RBFOX2: variants seen among roughly 807,000 people sequenced by gnomAD.
The protein encoded by RBFOX2 is RNA binding fox-1 homolog 2.
A neutral mutation model predicts 49.1 loss-of-function variants in RBFOX2; 10 were observed. The ratio of observed to expected loss-of-function variants is 0.20; its 90% CI spans 0.13 to 0.35. RBFOX2 has a LOEUF of 0.35. RBFOX2 is among the 10% of genes least tolerant of loss of function. RBFOX2 has a pLI of 1.00. For missense variants in RBFOX2, 323 were observed against 486.9 expected (o/e 0.66, Z 3.17); for synonymous variants, 183 against 187.4 (o/e 0.98, Z 0.19).
intron 1 of RBFOX2, among the ~76,000 whole-genome samples, chr22:35,984,321 T>C (rs1569518500): frequency 6.6e-6 from 1 of 152,188 alleles, no homozygotes; most frequent in South Asian, 2.1e-4. Flanking sequence ...AGTTGGCTAA[T>C]ATTGAGAACC....
chr22:35,828,446 G>C (rs1006777024), intron 1 of RBFOX2, among the ~76,000 whole-genome samples: 2 of 152,144 alleles, frequency 1.3e-5, no homozygotes, highest in South Asian at 4.1e-4. Flanking sequence ...GACAGCACAG[G>C]GGACGGTACT....
exon 12 of RBFOX2, chr22:35,743,893 T>C (rs953040622): frequency 3.5e-6 from 1 of 284,714 alleles, no homozygotes; most frequent in Non-Finnish European, 6.4e-6. Context: ...ATTGATAGAA[T>C]AAGCTAAGCA....
intron 9 of RBFOX2, among the ~76,000 whole-genome samples, chr22:35,757,110 A>T (rs765537226): frequency 3.9e-5 from 6 of 152,082 alleles, no homozygotes; most frequent in Non-Finnish European, 8.8e-5. Context: ...TTGACCAAAG[A>T]TCACCCTGTC....
chr22:35,780,077 G>A lies in RBFOX2; in HGVS notation c.399+1523C>T, dbSNP rs183057099. On this transcript the variant is annotated intron_variant, in intron 3 of 11. Transcript: ENST00000405409. Reference sequence around the variant, plus strand: ...CTTCTGCGTAACCCAAGTCCTTTATGCTGCCCTTTATTTTCTGTTGCTCTC... The same window carrying A: ...CTTCTGCGTAACCCAAGTCCTTTATACTGCCCTTTATTTTCTGTTGCTCTC... 1.8e-4 allele frequency among the ~76,000 whole-genome samples: 27 copies of A among 152,148 alleles called. No homozygotes were observed. The East Asian group carries it at 5.0e-3, about 28-fold the overall frequency.
At chr22:35,754,618 TAAGTCTGTGTATTTAGAAA>T (rs1936296507) in intron 9 of RBFOX2, among the ~76,000 whole-genome samples, 2 of 152,226 alleles carry the variant, frequency 1.3e-5, no homozygotes, top group Admixed American at 1.3e-4. Flanking sequence ...ACATCATATG[TAAGTCTGTGTATTTAGAAA>T]TATGTAATCT....
upstream of RBFOX2, chr22:35,840,629 T>TAC (rs1556025687): frequency 1.9e-6 from 2 of 1,062,872 alleles, no homozygotes; most frequent in East Asian, 1.3e-4. Context: ...TGTGCGTGTG[T>TAC]GCGTGTGTGT....
chr22:35,929,607 C>T (rs1217572383), intron 1 of RBFOX2, among the ~76,000 whole-genome samples: 2 of 152,136 alleles, frequency 1.3e-5, no homozygotes, highest in Admixed American at 6.5e-5. Context: ...CCAAAGACTA[C>T]ATATATCATA....
Position 35,759,910 on chromosome 22 carries a change from T to C in RBFOX2, c.865A>G (p.Thr289Ala). The C allele has an allele frequency of 1.2e-6, 2 of 1,613,666 alleles. No homozygotes were observed. Residue 289 changes from threonine (T) to alanine (A), a missense_variant, in exon 9 of 12, where the codon ACA (threonine) becomes GCA (alanine). Thr to Ala is a moderately conservative substitution (Grantham distance 58). Around this residue, in one of 2 missense-constraint regions of RBFOX2, gnomAD observed 200 missense variants for 370.0 expected, o/e 0.54. Transcript: ENST00000405409. This position sits in a 1 kb window ranked among gnomAD's most constrained non-coding sequence, Gnocchi z 4.6. ...TACCCTGGATAGGCGGGGATGGCTGTTGGAGGTACCGCTCGGACTGCACCA... is the reference window on the plus strand; with the variant it reads ...TACCCTGGATAGGCGGGGATGGCTGCTGGAGGTACCGCTCGGACTGCACCA...
At chr22:36,013,648 C>CACACAG (rs1260073505) in intron 1 of RBFOX2, among the ~76,000 whole-genome samples, 91 of 148,056 alleles carry the variant, frequency 6.1e-4, no homozygotes, top group African/African-American at 2.2e-3. Flanking sequence ...CACACACACA[C>CACACAG]AGAGAGAGAG....
In RBFOX2 at chr22:35,857,021, G is replaced by C. The variant is rs1421437836; in HGVS notation, c.-33-47017C>G. Among the ~76,000 whole-genome samples, 6 of 152,336 alleles carry C rather than the reference G, an allele frequency of 3.9e-5. No homozygotes were observed. The South Asian group carries it at 6.2e-4, about 16-fold the overall frequency. On this transcript the variant is annotated intron_variant, in intron 1 of 13. Coordinates refer to the RBFOX2 transcript ENST00000359369. ...CACTCCAGCATGGGTGACAGAGCGA[G>C]ACTCCGTCTCCAAAAGGAAAAAAAG...
At chr22:35,909,297 CAT>C (rs1417975099) in intron 1 of RBFOX2, among the ~76,000 whole-genome samples, 2 of 152,092 alleles carry the variant, frequency 1.3e-5, no homozygotes, top group Non-Finnish European at 2.9e-5. Flanking sequence ...GTCTCTTAAA[CAT>C]ATATATATGA....
At chr22:35,756,444 T>C (rs1195839259) in intron 9 of RBFOX2, among the ~76,000 whole-genome samples, 1 of 152,200 alleles carries the variant, frequency 6.6e-6, no homozygotes, top group Non-Finnish European at 1.5e-5. Flanking sequence ...GAGCCTATTA[T>C]ATCTATCCAA....
chr22:35,907,608 G>C (rs1342103541), intron 1 of RBFOX2, among the ~76,000 whole-genome samples: 1 of 151,960 alleles, frequency 6.6e-6, no homozygotes, highest in Non-Finnish European at 1.5e-5. Flanking sequence ...AATCCTAAAT[G>C]TTTTCAATAA....
intron 1 of RBFOX2, among the ~76,000 whole-genome samples, chr22:35,936,237 C>CAAAAAAAAAAA (rs58153258): frequency 1.5e-5 from 1 of 64,526 alleles, no homozygotes; most frequent in Non-Finnish European, 3.2e-5. Context: ...CCAACAACAA[C>CAAAAAAAAAAA]AAAAAAAAAA....
intron 1 of RBFOX2, among the ~76,000 whole-genome samples, chr22:35,813,494 C>T (rs1952339816): frequency 6.6e-6 from 1 of 152,180 alleles, no homozygotes; most frequent in Non-Finnish European, 1.5e-5. Flanking sequence ...CAAGGCTAGA[C>T]AGAATAGCTC....
chr22:35,847,558 T>A (rs1218546234), intron 1 of RBFOX2, among the ~76,000 whole-genome samples: 1 of 152,242 alleles, frequency 6.6e-6, no homozygotes, highest in East Asian at 1.9e-4. Flanking sequence ...TAACCAACCA[T>A]CTACTACTCA....
chr22:35,800,155 C>A (rs1444083944), intron 2 of RBFOX2, among the ~76,000 whole-genome samples: 2 of 152,142 alleles, frequency 1.3e-5, no homozygotes, highest in Admixed American at 1.3e-4. Context: ...ATGGCACAAT[C>A]TTTGTGCTAC....
At chr22:35,997,488 A>G (rs929049839) in intron 1 of RBFOX2, 6 of 152,206 alleles carry the variant, frequency 3.9e-5, no homozygotes, top group African/African-American at 1.2e-4. Context: ...ACAGAACTTC[A>G]ATTATTTCTT....
At chr22:35,997,134 C>T (rs1231076228) in intron 1 of RBFOX2, 3 of 152,218 alleles carry the variant, frequency 2.0e-5, no homozygotes, top group Admixed American at 2.0e-4. Flanking sequence ...TCTCCTCTAC[C>T]TGGTCTTAAC....
Sources: allele counts gnomAD v4.1 joint callset (sites outside exome capture counted in the v4.1 genomes callset), GRCh38; gene constraint gnomAD v4.1.1; regional missense constraint gnomAD v4.1.1; non-coding constraint Gnocchi (gnomAD v3.1); transcripts MANE v1.5; gene names NCBI Gene and HGNC (gene_info 2026-07-23, HGNC 2026-07-21).